PRIM2: variants seen among roughly 807,000 people sequenced by gnomAD.
The protein encoded by PRIM2 is DNA primase large subunit.
Under a neutral mutation model 67.3 loss-of-function variants are expected in PRIM2, and 39 were observed. That is an observed-to-expected ratio of 0.58 (90% CI 0.45 to 0.76). PRIM2 has a LOEUF of 0.76. PRIM2 is among the 30% of genes least tolerant of loss of function. The pLI, the probability that PRIM2 is intolerant of heterozygous loss-of-function variation, is 0.00. For missense variants in PRIM2, 398 were observed against 598.7 expected (o/e 0.66, Z 3.50); for synonymous variants, 143 against 198.7 (o/e 0.72, Z 2.36).
At chr6:57,225,563 A>G in the PRIM2 span, among the ~76,000 whole-genome samples, 2 of 152,224 alleles carry the variant, frequency 1.3e-5, no homozygotes, top group African/African-American at 2.4e-5. Flanking sequence ...TTTAAGGAAA[A>G]CATTCTGAAA....
chr6:57,270,262 A>T, the PRIM2 span, among the ~76,000 whole-genome samples: 1,368 of 152,212 alleles, frequency 9.0e-3, 12 homozygotes, highest in Non-Finnish European at 0.014. Flanking sequence ...CCTACCCATG[A>T]GCATGGAATG....
At chr6:57,280,764 C>T in the PRIM2 span, among the ~76,000 whole-genome samples, 8,755 of 152,198 alleles carry the variant, frequency 0.058, 265 homozygotes, top group Non-Finnish European at 0.072. Flanking sequence ...GCCTCGGCCT[C>T]CCAAAGTGCT....
At chr6:57,337,253 T>C (rs1768287771) in intron 5 of PRIM2, among the ~76,000 whole-genome samples, 1 of 152,000 alleles carries the variant, frequency 6.6e-6, no homozygotes. Context: ...TCCCACACAT[T>C]AATAATGGGA....
intron 13 of PRIM2, among the ~76,000 whole-genome samples, chr6:57,636,941 C>T (rs1777132801): frequency 6.6e-6 from 1 of 152,160 alleles, no homozygotes; most frequent in Admixed American, 6.5e-5. Flanking sequence ...GGGTCCCTGA[C>T]CACCATGTCT....
At chr6:57,347,237 C>T (rs1184388943) in intron 5 of PRIM2, among the ~76,000 whole-genome samples, 1 of 151,982 alleles carries the variant, frequency 6.6e-6, no homozygotes, top group Non-Finnish European at 1.5e-5. Flanking sequence ...TTGGAAAACC[C>T]AGAGGACTGT....
At chr6:57,607,219 C>G (rs1400403640) in intron 12 of PRIM2, among the ~76,000 whole-genome samples, 3 of 152,128 alleles carry the variant, frequency 2.0e-5, no homozygotes, top group African/African-American at 7.2e-5. Context: ...AATTGTTACT[C>G]TAGACAACTT....
chr6:57,575,474 C>T (rs1775946615), intron 10 of PRIM2, among the ~76,000 whole-genome samples: 1 of 152,178 alleles, frequency 6.6e-6, no homozygotes, highest in African/African-American at 2.4e-5. Flanking sequence ...AGTGAATGAG[C>T]TCTGCATAGG....
At chr6:57,602,852 A>T (rs1421749491) in intron 11 of PRIM2, among the ~76,000 whole-genome samples, 27 of 152,180 alleles carry the variant, frequency 1.8e-4, no homozygotes, top group African/African-American at 5.8e-4. Flanking sequence ...TAATAAACTT[A>T]ATTTTTTAGA....
chr6:57,595,239 A>T (rs1776345136), intron 10 of PRIM2, among the ~76,000 whole-genome samples: 4 of 152,166 alleles, frequency 2.6e-5, no homozygotes, highest in Admixed American at 6.5e-5. Context: ...GAAAATATAT[A>T]CCTACAAAAG....
intron 5 of PRIM2, among the ~76,000 whole-genome samples, chr6:57,329,658 G>T (rs984141025): frequency 2.0e-5 from 3 of 151,906 alleles, no homozygotes; most frequent in African/African-American, 4.8e-5. Flanking sequence ...CTCCCCTGCC[G>T]CCCTGTGAAG....
intron 7 of PRIM2, among the ~76,000 whole-genome samples, chr6:57,418,590 T>A (rs1172524136): frequency 6.6e-6 from 1 of 151,564 alleles, no homozygotes; most frequent in Non-Finnish European, 1.5e-5. Context: ...TTAGTATAGA[T>A]GGGGTTTCAC....
intron 13 of PRIM2, among the ~76,000 whole-genome samples, chr6:57,632,712 G>A (rs2127499585): frequency 6.6e-6 from 1 of 152,338 alleles, no homozygotes; most frequent in Admixed American, 6.5e-5. Flanking sequence ...ACTAGATCTG[G>A]AATCTTTGCC....
chr6:57,550,318 A>G (rs1775375597), intron 10 of PRIM2, among the ~76,000 whole-genome samples: 2 of 152,180 alleles, frequency 1.3e-5, no homozygotes, highest in African/African-American at 4.8e-5. Flanking sequence ...TGCTTTCCAT[A>G]GCATGTGGAA....
the PRIM2 span, among the ~76,000 whole-genome samples, chr6:57,241,850 T>A: frequency 6.6e-6 from 1 of 151,900 alleles, no homozygotes; most frequent in African/African-American, 2.4e-5. Flanking sequence ...TTTTTTGTAT[T>A]TTTAGTAGAG....
intron 10 of PRIM2, among the ~76,000 whole-genome samples, chr6:57,567,630 A>G (rs1335800551): frequency 6.6e-6 from 1 of 152,146 alleles, no homozygotes; most frequent in Non-Finnish European, 1.5e-5. Context: ...TATATTCACT[A>G]GGACATAAAA....
chr6:57,629,640 T>TAGATG (rs1777010280), intron 12 of PRIM2, among the ~76,000 whole-genome samples: 1 of 151,876 alleles, frequency 6.6e-6, no homozygotes, highest in Non-Finnish European at 1.5e-5. Flanking sequence ...GGTCCATGGA[T>TAGATG]CTACCATCTA....
chr6:57,558,524 A>G (rs1358458985), intron 10 of PRIM2, among the ~76,000 whole-genome samples: 1 of 152,068 alleles, frequency 6.6e-6, no homozygotes, highest in Non-Finnish European at 1.5e-5. Flanking sequence ...TAGAACCATT[A>G]CTCAAGTGGA....
chr6:57,542,027 G>T (rs1411794687), intron 10 of PRIM2, among the ~76,000 whole-genome samples: 1 of 147,722 alleles, frequency 6.8e-6, no homozygotes, highest in Admixed American at 6.8e-5. Flanking sequence ...CCAGGCTGGA[G>T]TGCAGTGGCG....
At chr6:57,317,177 A>G (rs888679276), upstream of PRIM2, among the ~76,000 whole-genome samples, 2 of 150,826 alleles carry the variant, frequency 1.3e-5, no homozygotes, top group African/African-American at 4.8e-5. Context: ...GCGGAAAAAA[A>G]AGAGCCCCTA....
Sources: gnomAD v4.1 joint callset for allele counts (sites outside exome capture counted in the v4.1 genomes callset) on GRCh38, gnomAD v4.1.1 for gene constraint, MANE v1.5 for transcripts, NCBI Gene and HGNC (gene_info 2026-07-23, HGNC 2026-07-21) for gene names.